Variants in EYS observed in about 807,000 individuals in gnomAD.
EYS encodes the protein protein eyes shut homolog.
A neutral mutation model predicts 282.1 loss-of-function variants in EYS; 250 were observed. The observed-to-expected ratio is 0.89, with a 90% CI of 0.80 to 0.98. EYS has a LOEUF of 0.98. EYS is among the 50% of genes least tolerant of loss of function. The pLI is 0.00. For synonymous variants in EYS, 1,355 were observed against 1,282.9 expected, an observed-to-expected ratio of 1.06 and a Z score of -1.20; for missense variants, 4,016 against 3,709.0, an observed-to-expected ratio of 1.08 and a Z score of -2.15.
chr6:64,046,107 CAT>C (rs1488318961), intron 33 of EYS, among the ~76,000 whole-genome samples: 1 of 147,240 alleles, frequency 6.8e-6, no homozygotes, highest in Non-Finnish European at 1.5e-5. Context: ...CATATAATTA[CAT>C]ATGTAATGTA....
intron 29 of EYS, among the ~76,000 whole-genome samples, chr6:64,372,824 G>A (rs1039216703): frequency 6.6e-6 from 1 of 151,944 alleles, no homozygotes; most frequent in Non-Finnish European, 1.5e-5. Flanking sequence ...CCTCAGTTTG[G>A]TCAATTCTGC....
At chr6:64,755,547 G>C (rs1772909676) in intron 22 of EYS, among the ~76,000 whole-genome samples, 1 of 132,742 alleles carries the variant, frequency 7.5e-6, no homozygotes, top group South Asian at 2.5e-4. Context: ...CACACACACG[G>C]AATACTATCC....
rs78347323 is a variant in EYS, at chr6:65,405,566, G to A, written c.863-199C>T. Among the ~76,000 whole-genome samples, 432 of 152,002 alleles carry A rather than the reference G, an allele frequency of 2.8e-3. 4 individuals are homozygous for A. The highest frequency in any genetic ancestry group is 0.01 in the African/African-American group (419 of 41,484). ...CTACAGTAACTTTTGCAAATGTATA[G>A]AGCTACTCAAGCATCATCACAATAC... On this transcript the variant is annotated intron_variant, in intron 5 of 42. Coordinates refer to ENST00000503581, the MANE Select transcript of EYS (RefSeq NM_001142800.2).
Position 65,004,276 on chromosome 6 carries a change from A to G in EYS, c.2138-6573T>C, listed in dbSNP as rs553493185. Among the ~76,000 whole-genome samples, 4 of 147,650 alleles carry G rather than the reference A, an allele frequency of 2.7e-5. 1 individual carries two copies. Among genetic ancestry groups the G allele is most frequent in the Non-Finnish European group, 6.1e-5 (4 of 65,994 alleles). ...TCATTCGCTGCACTTGTGACTCACA[A>G]AAATATAAATGAATTTGTCAGAAAT... On this transcript the variant is annotated intron_variant, in intron 13 of 42. Coordinates refer to ENST00000503581, the MANE Select transcript of EYS (RefSeq NM_001142800.2).
At position 65,636,360 on chromosome 6, in the gene EYS, C is replaced by A. The variant is rs186248292; in HGVS notation, c.-333+3418G>T. ...GCCTCTTTCATTCATTGTCCTCTGGCTACACTTTTTTGCTTGCTTGTCTTC... is the reference window on the plus strand; with the variant it reads ...GCCTCTTTCATTCATTGTCCTCTGGATACACTTTTTTGCTTGCTTGTCTTC... On this transcript the variant is annotated intron_variant, in intron 2 of 42. Transcript: ENST00000503581. Among the ~76,000 whole-genome samples, 4 of 152,332 alleles carry A rather than the reference C, an allele frequency of 2.6e-5. No individual in the cohort carries two copies. In the East Asian group the frequency reaches 5.8e-4, roughly 22 times the overall value.
At chr6:65,191,659 AC>A (rs1198167348) in intron 12 of EYS, among the ~76,000 whole-genome samples, 1 of 151,816 alleles carries the variant, frequency 6.6e-6, no homozygotes, top group African/African-American at 2.4e-5. Flanking sequence ...GAGAGAGAAA[AC>A]TGTGACTTGC....
intron 2 of EYS, among the ~76,000 whole-genome samples, chr6:65,590,461 T>C (rs1765192149): frequency 6.6e-6 from 1 of 152,078 alleles, no homozygotes; most frequent in African/African-American, 2.4e-5. Context: ...CCTCAAATAT[T>C]TATCATTTCT....
At chr6:65,373,603 A>T (rs1054530556) in intron 8 of EYS, among the ~76,000 whole-genome samples, 1 of 152,076 alleles carries the variant, frequency 6.6e-6, no homozygotes, top group Non-Finnish European at 1.5e-5. Context: ...TCTAAAACCA[A>T]ATAATAGAAT....
chr6:64,493,198 A>G (rs1776789111), intron 26 of EYS, among the ~76,000 whole-genome samples: 1 of 151,518 alleles, frequency 6.6e-6, no homozygotes, highest in Non-Finnish European at 1.5e-5. Flanking sequence ...ATAAACAGCT[A>G]ATAAAGTAGC....
At chr6:64,394,883 C>A (rs1278483811) in intron 28 of EYS, among the ~76,000 whole-genome samples, 1 of 152,264 alleles carries the variant, frequency 6.6e-6, no homozygotes, top group East Asian at 1.9e-4. Context: ...ACCTACTCAT[C>A]TGACAAAGGG....
intron 31 of EYS, among the ~76,000 whole-genome samples, chr6:64,125,246 C>T (rs572652151): frequency 3.9e-5 from 6 of 151,906 alleles, no homozygotes; most frequent in Non-Finnish European, 8.8e-5. Flanking sequence ...GGGGATAAGG[C>T]AGGCCTTTCA....
At chr6:65,328,810 C>G (rs1292277236) in intron 11 of EYS, among the ~76,000 whole-genome samples, 2 of 150,752 alleles carry the variant, frequency 1.3e-5, no homozygotes, top group African/African-American at 4.8e-5. Context: ...TAAAATTATT[C>G]CTTTACACAT....
chr6:63,765,258 T>C (rs1407787222), intron 40 of EYS, among the ~76,000 whole-genome samples: 1 of 152,066 alleles, frequency 6.6e-6, no homozygotes, highest in Non-Finnish European at 1.5e-5. Context: ...CCTCATGGAC[T>C]TCTGTATTTT....
intron 29 of EYS, among the ~76,000 whole-genome samples, chr6:64,372,130 G>GTGTTTTTTTTTTTTTTT (rs1772394526): frequency 1.0e-5 from 1 of 97,738 alleles, no homozygotes; most frequent in Non-Finnish European, 1.9e-5. Context: ...GTATACTTGT[G>GTGTTTTTTTTTTTTTTT]TTTTTTTTTT....
intron 5 of EYS, among the ~76,000 whole-genome samples, chr6:65,473,281 G>A (rs1249374230): frequency 6.6e-6 from 1 of 151,970 alleles, no homozygotes; most frequent in Non-Finnish European, 1.5e-5. Flanking sequence ...TATCCTTGAT[G>A]AGGATGGAGT....
In EYS at chr6:64,069,515, T is replaced by C. The variant is rs971257749; in HGVS notation, c.6572-3024A>G. 4.2e-5 allele frequency among the ~76,000 whole-genome samples: 4 copies of C among 94,512 alleles called. No individual in the cohort carries two copies. In the East Asian group the frequency reaches 1.3e-3, roughly 32 times the overall value. 62.0% of individuals were successfully genotyped at this position (94,512 alleles called of 152,430 possible). On this transcript the variant is annotated intron_variant, in intron 32 of 42. Transcript: ENST00000503581. ...TTTTATGATAATGACATTGTTTTTG[T>C]ACTCAAGCAATAGAAAAATGGACAA...
chr6:65,561,936 T>C (rs1769075347), intron 2 of EYS, among the ~76,000 whole-genome samples: 1 of 151,624 alleles, frequency 6.6e-6, no homozygotes, highest in Non-Finnish European at 1.5e-5. Context: ...GTTATAAAAA[T>C]ACAGTATTTT....
chr6:63,985,796 A>T (rs992913361), intron 34 of EYS, among the ~76,000 whole-genome samples: 1 of 151,846 alleles, frequency 6.6e-6, no homozygotes, highest in Non-Finnish European at 1.5e-5. Flanking sequence ...GATTACTTAA[A>T]TGTAAAACCC....
At chr6:63,771,228 A>T (rs1324383751) in intron 40 of EYS, among the ~76,000 whole-genome samples, 2 of 152,132 alleles carry the variant, frequency 1.3e-5, no homozygotes, top group African/African-American at 4.8e-5. Context: ...AAGATGATAA[A>T]TTACTCTGCC....
Sources: gnomAD v4.1 joint callset for allele counts (sites outside exome capture counted in the v4.1 genomes callset) on GRCh38, gnomAD v4.1.1 for gene constraint, MANE v1.5 for transcripts, NCBI Gene and HGNC (gene_info 2026-07-23, HGNC 2026-07-21) for gene names.